Variants in TNIK observed in about 807,000 individuals in gnomAD.
The protein encoded by TNIK is TRAF2 and NCK interacting kinase.
TNIK carries 49 observed loss-of-function variants against 191.3 expected under a neutral mutation model. That is an observed-to-expected ratio of 0.26 (90% CI 0.20 to 0.32). TNIK has a LOEUF of 0.32. Among genes scored for constraint, TNIK ranks in the 10% least tolerant of loss-of-function variants. TNIK has a pLI of 1.00. For synonymous variants in TNIK, 594 were observed against 600.9 expected (o/e 0.99, Z 0.17); for missense variants, 1,155 against 1,702.3 (o/e 0.68, Z 5.66).
chr3:171,262,876 TGTATGG>T (rs926460040), intron 2 of TNIK, among the ~76,000 whole-genome samples: 21 of 152,324 alleles, frequency 1.4e-4, no homozygotes, highest in Non-Finnish European at 2.5e-4. Context: ...GGTTGTGACC[TGTATGG>T]GTCAATGAAG....
intron 6 of TNIK, among the ~76,000 whole-genome samples, chr3:171,189,595 G>GT (rs1191527069): frequency 6.6e-6 from 1 of 152,140 alleles, no homozygotes; most frequent in African/African-American, 2.4e-5. Context: ...GCTACTAGTG[G>GT]TATGACCTAG....
At chr3:171,140,658 G>A in intron 12 of TNIK, 149 bp from the exon 13 acceptor site, 1 of 683,318 alleles carries the variant, frequency 1.5e-6, no homozygotes, top group Non-Finnish European at 2.5e-6. Flanking sequence ...GGGGCTGTTG[G>A]AGGGTACACT....
intron 19 of TNIK, 109 bp from the exon 20 acceptor site, chr3:171,108,271 G>C: frequency 1.3e-6 from 1 of 793,652 alleles, no homozygotes; most frequent in Non-Finnish European, 1.8e-6. Context: ...TTACTCAGTG[G>C]ACACGTCATT....
At chr3:171,422,026 G>A (rs1218535353) in intron 1 of TNIK, among the ~76,000 whole-genome samples, 6 of 151,932 alleles carry the variant, frequency 3.9e-5, no homozygotes, top group African/African-American at 1.2e-4. Flanking sequence ...TACCACGCCC[G>A]ACCAGTTGTG....
chr3:171,359,319 C>T (rs1360610570), intron 2 of TNIK, among the ~76,000 whole-genome samples: 2 of 152,194 alleles, frequency 1.3e-5, no homozygotes, highest in Non-Finnish European at 2.9e-5. Context: ...GTCACCTTCT[C>T]CTTAAAGGAG....
At chr3:171,155,040 T>C (rs1049775515) in intron 12 of TNIK, among the ~76,000 whole-genome samples, 7 of 152,240 alleles carry the variant, frequency 4.6e-5, no homozygotes, top group Admixed American at 4.6e-4. Flanking sequence ...GGAGGTGACA[T>C]TTGAGATCAC....
intron 1 of TNIK, among the ~76,000 whole-genome samples, chr3:171,394,883 T>C (rs1720024618): frequency 6.6e-6 from 1 of 152,166 alleles, no homozygotes; most frequent in African/African-American, 2.4e-5. Flanking sequence ...GGCAAAACAG[T>C]CTCGCACCTA....
intron 2 of TNIK, among the ~76,000 whole-genome samples, chr3:171,361,586 TC>T (rs1162699568): frequency 3.9e-5 from 6 of 152,310 alleles, no homozygotes; most frequent in Admixed American, 3.9e-4. Flanking sequence ...TGAATGATTC[TC>T]CTACTTATTG....
At chr3:171,331,078 G>A (rs923470183) in intron 2 of TNIK, among the ~76,000 whole-genome samples, 2 of 152,220 alleles carry the variant, frequency 1.3e-5, no homozygotes, top group African/African-American at 4.8e-5. Flanking sequence ...ACAAGATTTT[G>A]TGATGCTCTG....
intron 2 of TNIK, among the ~76,000 whole-genome samples, chr3:171,348,254 C>G (rs1175889332): frequency 2.0e-5 from 3 of 152,148 alleles, no homozygotes; most frequent in Admixed American, 6.5e-5. Context: ...AGCAGGAAAC[C>G]ATAGATTTTG....
rs990517025 is a variant in TNIK at position 171,084,043 on chromosome 3, G to C, written c.3169+112C>G. ...TCCCAAGTTAGGTCTCTAATACCCA[G>C]GATTCAACCAGTGTTCTTTTGATGA... On this transcript the variant is annotated intron_variant, in intron 26 of 32. Transcript: ENST00000436636. The C allele has an allele frequency of 2.2e-6, 3 of 1,356,444 alleles. No individual in the cohort carries two copies. In the African/African-American group the frequency reaches 4.4e-5, roughly 20 times the overall value. The allele number at this position is 1,356,444 out of a possible 1,614,324, so 84.0% of individuals were successfully genotyped here.
chr3:171,294,399 G>A (rs777760492), intron 2 of TNIK, among the ~76,000 whole-genome samples: 8 of 152,090 alleles, frequency 5.3e-5, no homozygotes, highest in Non-Finnish European at 1.2e-4. Flanking sequence ...ACTGCAGCCT[G>A]GGTGACAGAG....
At chr3:171,321,281 G>A (rs1490255183) in intron 2 of TNIK, among the ~76,000 whole-genome samples, 1 of 151,996 alleles carries the variant, frequency 6.6e-6, no homozygotes, top group South Asian at 2.1e-4. Flanking sequence ...AAGGTCAAAG[G>A]CAGCATCTGT....
At position 171,196,456 on chromosome 3, in the gene TNIK, A is replaced by G. The variant is rs566120964; in HGVS notation, c.307-1821T>C. On this transcript the variant is annotated intron_variant, in intron 4 of 32. Transcript: ENST00000436636. ...GAAATCTGAACCTGATCAGGCCTCT[A>G]GCTCCAGCCACTGATTTACAGGAAA... Among the ~76,000 whole-genome samples the G allele has an allele frequency of 7.2e-5, 11 of 152,374 alleles. No individual in the cohort carries two copies. In the South Asian group the frequency reaches 2.3e-3, roughly 32 times the overall value.
At position 171,079,628 on chromosome 3, in the gene TNIK, T is replaced by G; in HGVS notation, c.3338A>C (p.Tyr1113Ser). ...TCTGTTTCTTAACCATGAAAGATAG[T>G]AAACTCGTAGCTTATTCTTCTTTCC... ...ISGKKNKLRV[Y>S]YLSWLRNRIL... Residue 1113 changes from tyrosine (Y) to serine (S), a missense_variant, in exon 28 of 33, where the codon TAC becomes TCC. Physicochemically the swap from Tyr to Ser is moderately radical, Grantham distance 144. Transcript: ENST00000436636. 6.2e-7 allele frequency: 1 copy of G among 1,612,442 alleles called. No individual in the cohort carries two copies. Among genetic ancestry groups the G allele is most frequent in the Non-Finnish European group, 8.5e-7 (1 of 1,179,176 alleles).
intron 1 of TNIK, among the ~76,000 whole-genome samples, chr3:171,429,608 C>T (rs781341624): frequency 9.9e-5 from 15 of 152,168 alleles, no homozygotes; most frequent in Admixed American, 2.0e-4. Context: ...AAATCCAGCC[C>T]CTATTAGCCT....
intron 2 of TNIK, among the ~76,000 whole-genome samples, chr3:171,332,208 T>A (rs1408703964): frequency 1.3e-5 from 2 of 152,232 alleles, no homozygotes; most frequent in Non-Finnish European, 2.9e-5. Context: ...TAAAAATTCT[T>A]CATAAACTTT....
At chr3:171,334,732 C>T (rs1756775441) in intron 2 of TNIK, among the ~76,000 whole-genome samples, 2 of 152,188 alleles carry the variant, frequency 1.3e-5, no homozygotes, top group African/African-American at 2.4e-5. Context: ...TCTGACATCA[C>T]CACATTGTTT....
intron 2 of TNIK, among the ~76,000 whole-genome samples, chr3:171,260,866 A>G (rs1221120945): frequency 6.6e-6 from 1 of 152,212 alleles, no homozygotes; most frequent in African/African-American, 2.4e-5. Context: ...CTAGTTGTTT[A>G]AAGCTATTCC....
Sources: allele counts gnomAD v4.1 joint callset (sites outside exome capture counted in the v4.1 genomes callset), GRCh38; gene constraint gnomAD v4.1.1; transcripts MANE v1.5; gene names NCBI Gene and HGNC (gene_info 2026-07-23, HGNC 2026-07-21).